The following CHN2 variants were observed in gnomAD, a reference collection of about 807,000 sequenced individuals.
The protein encoded by CHN2 is beta-chimaerin.
Under a neutral mutation model 56.3 loss-of-function variants are expected in CHN2, and 35 were observed. The observed-to-expected ratio is 0.62, with a 90% CI of 0.47 to 0.82. The LOEUF (loss-of-function observed/expected upper bound fraction) is 0.82. CHN2 is among the 40% of genes least tolerant of loss of function. The pLI is 0.00. For missense variants in CHN2, 491 were observed against 580.5 expected, an observed-to-expected ratio of 0.85 and a Z score of 1.58; for synonymous variants, 210 against 212.8, an observed-to-expected ratio of 0.99 and a Z score of 0.12.
intron 1 of CHN2, among the ~76,000 whole-genome samples, chr7:29,205,340 G>T (rs571859429): frequency 6.6e-6 from 1 of 152,288 alleles, no homozygotes; most frequent in South Asian, 2.1e-4. Context: ...CAAGGGTGGC[G>T]TTGTGTTATA....
chr7:29,347,907 T>C (rs561423839), intron 1 of CHN2, among the ~76,000 whole-genome samples: 2 of 152,360 alleles, frequency 1.3e-5, no homozygotes, highest in African/African-American at 4.8e-5. Flanking sequence ...CAGAACAGTA[T>C]GTATGGTATG....
intron 1 of CHN2, among the ~76,000 whole-genome samples, chr7:29,291,224 C>G (rs1003018298): frequency 6.6e-6 from 1 of 152,160 alleles, no homozygotes; most frequent in Non-Finnish European, 1.5e-5. Context: ...CACCCAACTT[C>G]TAAGATCTTA....
At chr7:29,397,735 C>T (rs150958252) in intron 4 of CHN2, 2 of 152,356 alleles carry the variant, frequency 1.3e-5, no homozygotes, top group Admixed American at 1.3e-4. Flanking sequence ...ACACAACCCT[C>T]CCGGATATGC....
intron 1 of CHN2, among the ~76,000 whole-genome samples, chr7:29,341,014 C>A (rs1797015211): frequency 6.6e-6 from 1 of 152,176 alleles, no homozygotes; most frequent in South Asian, 2.1e-4. Flanking sequence ...TACTGAGTGT[C>A]TAGCCCCGTC....
At chr7:29,306,636 A>G (rs1232624794) in intron 1 of CHN2, among the ~76,000 whole-genome samples, 1 of 152,260 alleles carries the variant, frequency 6.6e-6, no homozygotes, top group African/African-American at 2.4e-5. Context: ...ATTCATCCCC[A>G]GGAACAAATG....
chr7:29,436,913 TTTAA>T (rs1783267814), intron 6 of CHN2, among the ~76,000 whole-genome samples: 1 of 151,438 alleles, frequency 6.6e-6, no homozygotes, highest in Non-Finnish European at 1.5e-5. Context: ...TAAGCTACAC[TTTAA>T]TATCAGTTTA....
rs146694213 is a variant in CHN2, at chr7:29,263,181, G to A, written c.49+68191G>A. 9.4e-3 allele frequency among the ~76,000 whole-genome samples: 1,430 copies of A among 152,254 alleles called. 23 individuals are homozygous for A. The highest frequency in any genetic ancestry group is 0.032 in the African/African-American group (1,345 of 41,548). ...GTGCCTGGGATTGCAGGCACGCGCCGCCACGCCTGACTGGTTTTCGTATTT... is the reference window on the plus strand; with the variant it reads ...GTGCCTGGGATTGCAGGCACGCGCCACCACGCCTGACTGGTTTTCGTATTT... On this transcript the variant is annotated intron_variant, in intron 1 of 12. Transcript: ENST00000222792.
intron 1 of CHN2, among the ~76,000 whole-genome samples, chr7:29,344,982 T>A (rs187156288): frequency 5.9e-5 from 9 of 152,340 alleles, no homozygotes; most frequent in African/African-American, 1.9e-4. Flanking sequence ...TGTCCAACAC[T>A]TTGAGCACCT....
chr7:29,362,501 A>G (rs1471956178), intron 2 of CHN2, among the ~76,000 whole-genome samples: 2 of 152,136 alleles, frequency 1.3e-5, no homozygotes, highest in African/African-American at 2.4e-5. Flanking sequence ...CTGCTCAAAC[A>G]TGTGACTGTC....
intron 3 of CHN2, among the ~76,000 whole-genome samples, chr7:29,369,519 C>T (rs1015295737): frequency 6.6e-6 from 1 of 151,966 alleles, no homozygotes; most frequent in Non-Finnish European, 1.5e-5. Flanking sequence ...TAATAAAAGA[C>T]AACAAAAGTA....
chr7:29,446,254 C>T (rs1346709170), intron 6 of CHN2, among the ~76,000 whole-genome samples: 2 of 152,098 alleles, frequency 1.3e-5, no homozygotes, highest in Non-Finnish European at 2.9e-5. Context: ...AACTAAACAC[C>T]ACCTGTTCTC....
intron 1 of CHN2, among the ~76,000 whole-genome samples, chr7:29,351,040 G>A (rs1292122753): frequency 6.2e-5 from 9 of 145,828 alleles, no homozygotes; most frequent in Non-Finnish European, 1.2e-4. Flanking sequence ...CCTGGGAGGC[G>A]GAGGTTGCGA....
chr7:29,400,786 A>C lies in CHN2; in HGVS notation c.534A>C (p.Arg178Ser). Residue 178 changes from arginine to serine, a missense_variant, in exon 6 of 13, where the codon AGA becomes AGC. By Grantham distance (110) the Arg-to-Ser change is moderately radical. Transcript: ENST00000222792. Reference protein sequence around the residue: ...RRLSRSKNEPRKTNVTHEEHT... With the variant: ...RRLSRSKNEPSKTNVTHEEHT... ...TGAGCAGGTCTAAAAATGAACCAAG[A>C]AAAACAAACGTCACACATGAAGAAC... 1 of 1,614,096 alleles carries C rather than the reference A, an allele frequency of 6.2e-7. No individual in the cohort carries two copies. The highest frequency in any genetic ancestry group is 8.5e-7 in the Non-Finnish European group (1 of 1,180,026).
upstream of CHN2, chr7:29,191,817 A>C (rs1234494360): frequency 6.6e-6 from 1 of 152,200 alleles, no homozygotes; most frequent in Non-Finnish European, 1.5e-5. Context: ...TCATTGTTTC[A>C]TTTGGAGAAA....
At chr7:29,271,314 G>A (rs3793310) in intron 1 of CHN2, among the ~76,000 whole-genome samples, 1 of 152,206 alleles carries the variant, frequency 6.6e-6, no homozygotes, top group African/African-American at 2.4e-5. Flanking sequence ...TTTGCTCCTG[G>A]TTGTGTTAGA....
chr7:29,400,032 A>T (rs1458389893), intron 5 of CHN2, among the ~76,000 whole-genome samples: 1 of 152,128 alleles, frequency 6.6e-6, no homozygotes, highest in Admixed American at 6.5e-5. Flanking sequence ...GGCGGAAGGC[A>T]TGGGGTGCTC....
At chr7:29,279,003 C>T (rs965699240) in intron 1 of CHN2, among the ~76,000 whole-genome samples, 1 of 152,140 alleles carries the variant, frequency 6.6e-6, no homozygotes, top group South Asian at 2.1e-4. Flanking sequence ...CTGTCCCCCC[C>T]CAACCCCCAC....
rs576070210 is a variant in CHN2 at position 29,369,598 on chromosome 7, AAG to A, written c.144+1619_144+1620del. ...TATGTGCGTGTGAAAGAGACAGAAA[AAG>A]AGAGAGATAGAGAGAAAAAACCTCT... On this transcript the variant is annotated intron_variant, in intron 3 of 12. Transcript: ENST00000222792. 2.9e-3 allele frequency among the ~76,000 whole-genome samples: 449 copies of A among 152,320 alleles called. 3 individuals are homozygous for A. Among genetic ancestry groups the A allele is most frequent in the African/African-American group, 0.01 (418 of 41,566 alleles).
At chr7:29,259,871 T>C (rs1268703928) in intron 1 of CHN2, among the ~76,000 whole-genome samples, 1 of 152,208 alleles carries the variant, frequency 6.6e-6, no homozygotes, top group African/African-American at 2.4e-5. Flanking sequence ...AGTTATACCT[T>C]AGTATAGCTG....
Sources: allele counts gnomAD v4.1 joint callset (sites outside exome capture counted in the v4.1 genomes callset), GRCh38; gene constraint gnomAD v4.1.1; transcripts MANE v1.5; gene names NCBI Gene and HGNC (gene_info 2026-07-23, HGNC 2026-07-21).